The following ZMYND12 variants were observed in gnomAD, a reference collection of about 807,000 sequenced individuals.
The protein encoded by ZMYND12 is zinc finger MYND domain-containing protein 12.
In ZMYND12, 32 loss-of-function variants were observed where a neutral mutation model predicts 41.7. The ratio of observed to expected loss-of-function variants is 0.77; its 90% CI spans 0.58 to 1.03. The LOEUF is 1.03. ZMYND12 is among the 50% of genes least tolerant of loss of function. ZMYND12 has a pLI of 0.00. For synonymous variants in ZMYND12, 148 were observed against 164.8 expected, an observed-to-expected ratio of 0.90 and a Z score of 0.78; for missense variants, 424 against 438.5, an observed-to-expected ratio of 0.97 and a Z score of 0.30.
rs142067376 is a variant in ZMYND12 at position 42,434,361 on chromosome 1, C to T, written c.829+913G>A. On this transcript the variant is annotated intron_variant, in intron 6 of 7. Transcript: ENST00000372565. ...TTCAGTAAAGCATGAAGTTAAGGCA[C>T]CAGAAGAAATCAGCAATGCACCTTC... 5.0e-3 allele frequency among the ~76,000 whole-genome samples: 768 copies of T among 152,270 alleles called. 7 individuals are homozygous for T. The highest frequency in any genetic ancestry group is 0.016 in the African/African-American group (645 of 41,542).
At chr1:42,434,687 G>T (rs1642887933) in intron 6 of ZMYND12, among the ~76,000 whole-genome samples, 1 of 151,728 alleles carries the variant, frequency 6.6e-6, no homozygotes, top group South Asian at 2.1e-4. Flanking sequence ...AGAATCTAAT[G>T]CCTGATGATC....
At chr1:42,448,680 TA>T in intron 2 of ZMYND12, 42 bp from the exon 3 acceptor site, 6 of 1,550,192 alleles carry the variant, frequency 3.9e-6, no homozygotes, top group Non-Finnish European at 5.2e-6. Context: ...AGTCTAAAGT[TA>T]AAGGCAAAGG....
At chr1:42,436,365 G>C in intron 5 of ZMYND12, 56 bp downstream of exon 5, 3 of 1,605,304 alleles carry the variant, frequency 1.9e-6, no homozygotes, top group Non-Finnish European at 2.6e-6. Context: ...TCTAATACAA[G>C]TTGTAAGACA....
chr1:42,453,912 G>A (rs150142192), intron 1 of ZMYND12, among the ~76,000 whole-genome samples: 8 of 152,270 alleles, frequency 5.3e-5, no homozygotes, highest in African/African-American at 1.7e-4. Flanking sequence ...ACTGGGTCTA[G>A]TAAAAGACAT....
intron 7 of ZMYND12, among the ~76,000 whole-genome samples, 165 bp from the exon 8 acceptor site, chr1:42,431,023 G>A (rs951168261): frequency 1.3e-5 from 2 of 152,190 alleles, no homozygotes; most frequent in African/African-American, 4.8e-5. Context: ...GGCCCTTACA[G>A]CTAGCCACAT....
chr1:42,431,768 A>G (rs975652231), intron 7 of ZMYND12, among the ~76,000 whole-genome samples: 9 of 152,286 alleles, frequency 5.9e-5, no homozygotes, highest in Admixed American at 2.0e-4. Flanking sequence ...TTCCTCACCC[A>G]TTCCTACCCC....
rs1557764640 is a variant in ZMYND12, at chr1:42,430,695, G to A, written c.*41C>T. On this transcript the variant is annotated 3_prime_UTR_variant, in exon 8 of 8. Coordinates refer to ENST00000372565, the MANE Select transcript of ZMYND12 (RefSeq NM_032257.5). ...AAGGCTGGAATATATTAGATCTTCA[G>A]TAGCCCCTGGAATAACCCTTGATGC... is the stretch of plus-strand genomic sequence containing the variant. 1.2e-6 allele frequency: 2 copies of A among 1,607,048 alleles called. No homozygotes were observed.
In ZMYND12 at chr1:42,439,872, T is replaced by C. The variant is rs745455147; in HGVS notation, c.578A>G (p.Tyr193Cys). ...CTTGTTTACATCATTGGCCAGATGATAACGGGCCTCTTCATAGTTTTTCTT... is the reference window on the plus strand; with the variant it reads ...CTTGTTTACATCATTGGCCAGATGACAACGGGCCTCTTCATAGTTTTTCTT... Reference protein sequence around the residue: ...IAKKNYEEARYHLANDIYFAS... With the variant: ...IAKKNYEEARCHLANDIYFAS... Residue 193 changes from tyrosine (Y) to cysteine (C), a missense_variant, in exon 4 of 8, where the codon TAT becomes TGT. Coordinates refer to ENST00000372565, the MANE Select transcript of ZMYND12 (RefSeq NM_032257.5). 8.1e-6 allele frequency: 13 copies of C among 1,612,172 alleles called. No individual in the cohort carries two copies. The highest frequency in any genetic ancestry group is 2.7e-5 in the African/African-American group (2 of 74,816).
chr1:42,442,577 G>C (rs768641628), intron 3 of ZMYND12, among the ~76,000 whole-genome samples: 2 of 152,122 alleles, frequency 1.3e-5, no homozygotes, highest in Non-Finnish European at 2.9e-5. Context: ...TCAGTGTGCT[G>C]CAGGGTAGGA....
chr1:42,455,974 T>C lies in ZMYND12; in HGVS notation c.24A>G (p.Ala8=), dbSNP rs1643169943. The C allele has an allele frequency of 6.2e-7, 1 of 1,613,246 alleles. No homozygotes were observed. The highest frequency in any genetic ancestry group is 8.5e-7 in the Non-Finnish European group (1 of 1,179,972). The change falls in exon 1 of 8, where the codon GCA becomes GCG. Residue 8 remains alanine (A), a synonymous_variant. Coordinates refer to ENST00000372565, the MANE Select transcript of ZMYND12 (RefSeq NM_032257.5). The part of the protein sequence containing the change: MNVIYPL[A]VPKGRRLCCE... Reference sequence around the variant, plus strand: ...AGCAGAGTCTGCGCCCCTTGGGGACTGCCAGTGGGTAGATCACATTCATGG... The same window carrying C: ...AGCAGAGTCTGCGCCCCTTGGGGACCGCCAGTGGGTAGATCACATTCATGG...
At chr1:42,455,828 C>G in intron 1 of ZMYND12, 60 bp downstream of exon 1, 1 of 1,360,802 alleles carries the variant, frequency 7.3e-7, no homozygotes, top group Non-Finnish European at 1.0e-6. Context: ...CCAAGCCAGA[C>G]CCGGGAAAGG....
chr1:42,444,069 C>T (rs892544248), intron 3 of ZMYND12, among the ~76,000 whole-genome samples: 1 of 152,126 alleles, frequency 6.6e-6, no homozygotes, highest in African/African-American at 2.4e-5. Context: ...TGCTAGGTTG[C>T]CCAGGCTGAT....
chr1:42,440,252 G>GCATCTCCATCTC (rs369299758), intron 3 of ZMYND12, among the ~76,000 whole-genome samples: 4 of 151,278 alleles, frequency 2.6e-5, no homozygotes, highest in East Asian at 1.9e-4. Flanking sequence ...ACAAAAGGAG[G>GCATCTCCATCTC]CATCTCCATC....
intron 1 of ZMYND12, among the ~76,000 whole-genome samples, chr1:42,451,835 A>G (rs1055372568): frequency 1.3e-5 from 2 of 152,224 alleles, no homozygotes; most frequent in Non-Finnish European, 2.9e-5. Context: ...ATGTTAACTT[A>G]GATGCCTGAA....
chr1:42,430,442 T>A lies in ZMYND12; in HGVS notation c.*294A>T. On this transcript the variant is annotated 3_prime_UTR_variant, in exon 8 of 8. Transcript: ENST00000372565. Reference sequence around the variant, plus strand: ...GGGAAATGACAAACTATTTGTAGTTTAATTACAAATACCATATTAGTGATC... The same window carrying A: ...GGGAAATGACAAACTATTTGTAGTTAAATTACAAATACCATATTAGTGATC... 1 of 282,032 alleles carries A rather than the reference T, an allele frequency of 3.5e-6. No homozygotes were observed. 17.5% of individuals were successfully genotyped at this position (282,032 alleles called of 1,614,324 possible).
At position 42,455,923 on chromosome 1, in the gene ZMYND12, C is replaced by T; in HGVS notation, c.75G>A (p.Glu25=). The part of the protein sequence containing the change: ...LCCEVCEAPA[E]RVCAACTVTY... ...TGACTGTGCAGGCCGCGCACACCCG[C>T]TCGGCTGGGGCTTCGCACACCTCAC... is the stretch of plus-strand genomic sequence containing the variant. Residue 25 remains glutamate, a synonymous_variant, in exon 1 of 8, where the codon GAG becomes GAA. Transcript: ENST00000372565. 1 of 1,613,838 alleles carries T rather than the reference C, an allele frequency of 6.2e-7. No homozygotes were observed. The highest frequency in any genetic ancestry group is 1.7e-4 in the Middle Eastern group (1 of 6,060).
intron 1 of ZMYND12, among the ~76,000 whole-genome samples, chr1:42,450,418 T>C (rs2148410376): frequency 6.6e-6 from 1 of 152,350 alleles, no homozygotes; most frequent in South Asian, 2.1e-4. Flanking sequence ...ATCTGAATCT[T>C]CTTTTCTAGG....
At chr1:42,436,289 C>G in intron 5 of ZMYND12, 132 bp downstream of exon 5, 1 of 1,323,718 alleles carries the variant, frequency 7.6e-7, no homozygotes, top group South Asian at 1.4e-5. Flanking sequence ...GCTATATAGT[C>G]TTGGGCAAGC....
intron 7 of ZMYND12, 107 bp from the exon 8 acceptor site, chr1:42,430,965 T>A: frequency 1.4e-6 from 2 of 1,446,186 alleles, no homozygotes; most frequent in Non-Finnish European, 1.9e-6. Flanking sequence ...CTGACCACCT[T>A]TTCACACCAC....
Sources: gnomAD v4.1 joint callset for allele counts (sites outside exome capture counted in the v4.1 genomes callset) on GRCh38, gnomAD v4.1.1 for gene constraint, MANE v1.5 for transcripts, NCBI Gene and HGNC (gene_info 2026-07-23, HGNC 2026-07-21) for gene names.